Variants in CFAP46 observed in about 807,000 individuals in gnomAD.
CFAP46 encodes the protein cilia- and flagella-associated protein 46.
Under a neutral mutation model 325.7 loss-of-function variants are expected in CFAP46, and 245 were observed. The observed-to-expected ratio is 0.75, with a 90% CI of 0.68 to 0.84. The LOEUF is 0.84. Ranked by LOEUF, CFAP46 falls within the 40% of genes least tolerant of loss-of-function variation. The pLI, the probability that CFAP46 is intolerant of heterozygous loss-of-function variation, is 0.00. For missense variants in CFAP46, 3,346 were observed against 3,543.0 expected, an observed-to-expected ratio of 0.94 and a Z score of 1.41; for synonymous variants, 1,523 against 1,495.9, an observed-to-expected ratio of 1.02 and a Z score of -0.42.
intron 25 of CFAP46, among the ~76,000 whole-genome samples, chr10:132,887,812 C>T (rs1849181366): frequency 1.0e-5 from 1 of 95,988 alleles, no homozygotes. Flanking sequence ...CTCTCCTCTC[C>T]CCTCTTCTCT....
At chr10:132,859,332 G>A (rs150043324) in intron 37 of CFAP46, 85 bp from the exon 38 acceptor site, 3 of 1,241,164 alleles carry the variant, frequency 2.4e-6, no homozygotes, top group Admixed American at 2.7e-5. Context: ...TGTTCTCCCC[G>A]GTGTTCATCC....
intron 39 of CFAP46, among the ~76,000 whole-genome samples, chr10:132,854,795 C>G (rs894843092): frequency 1.3e-5 from 2 of 152,124 alleles, no homozygotes; most frequent in African/African-American, 4.8e-5. Context: ...ACCCCTCGCC[C>G]ATTAAAAAAT....
At chr10:132,927,334 C>T (rs928252316) in intron 9 of CFAP46, among the ~76,000 whole-genome samples, 2 of 152,072 alleles carry the variant, frequency 1.3e-5, no homozygotes, top group African/African-American at 4.8e-5. Flanking sequence ...CAGACGCCTC[C>T]GTCCCGGGGA....
chr10:132,864,049 TG>T, intron 35 of CFAP46, among the ~76,000 whole-genome samples: 1 of 144,398 alleles, frequency 6.9e-6, no homozygotes, highest in East Asian at 2.2e-4. Context: ...TGCACACACC[TG>T]TCCCCCTGCC....
chr10:132,850,160 G>A, intron 41 of CFAP46, 84 bp downstream of exon 41: 2 of 1,321,372 alleles, frequency 1.5e-6, no homozygotes, highest in Non-Finnish European at 2.1e-6. Context: ...GCAATCACAG[G>A]AGTCCTAAAC....
In CFAP46 at chr10:132,814,826, T is replaced by C. The variant is rs768574120; in HGVS notation, c.7188+18A>G. 41 of 1,613,984 alleles carry C rather than the reference T, an allele frequency of 2.5e-5. 1 individual carries two copies. In the South Asian group the frequency reaches 4.2e-4, roughly 16 times the overall value. ...CTGTGCCCACCAGCCCGATCCCCTA[T>C]CACAGGCCCCCACCCACCTTCCTGC... On this transcript the variant is annotated intron_variant, in intron 51 of 57. Coordinates refer to ENST00000368586, the MANE Select transcript of CFAP46 (RefSeq NM_001200049.3).
chr10:132,885,898 G>T lies in CFAP46; in HGVS notation c.3366C>A (p.Ala1122=). The change falls in exon 26 of 58, where the codon GCC becomes GCA. Residue 1122 remains alanine, a synonymous_variant. Transcript: ENST00000368586. ...ALYGLLFHSH[A]DQDDWEGGLK... ...GGCCGCCCTCCCAGTCGTCCTGGTC[G>T]GCATGGCTGTGGAAGAGCAGGCCGT... 1 of 1,550,200 alleles carries T rather than the reference G, an allele frequency of 6.5e-7. No individual in the cohort carries two copies. The highest frequency in any genetic ancestry group is 8.7e-7 in the Non-Finnish European group (1 of 1,146,848).
intron 27 of CFAP46, 42 bp from the exon 28 acceptor site, chr10:132,881,074 C>T: frequency 6.6e-7 from 1 of 1,523,968 alleles, no homozygotes; most frequent in Non-Finnish European, 8.9e-7. Context: ...CAGGATGGCC[C>T]TGAAGGCGTT....
intron 35 of CFAP46, among the ~76,000 whole-genome samples, chr10:132,863,809 AC>A: frequency 7.6e-6 from 1 of 132,130 alleles, no homozygotes; most frequent in African/African-American, 3.0e-5. Flanking sequence ...TGAGACCTGC[AC>A]GCACCTGTCC....
chr10:132,835,418 C>T lies in CFAP46; in HGVS notation c.6630G>A (p.Met2210Ile). Residue 2210 changes from methionine (M) to isoleucine (I), a missense_variant, in exon 47 of 58, where the codon ATG becomes ATA. Transcript: ENST00000368586. ...AGGCAGTGGGACTTATGGCCAGACG[C>T]ATCACCTTGCAGGAGCCTGTGGGGA... ...VQAVGGSCKV[M>I]RLAISPTAFS... The T allele has an allele frequency of 1.9e-6, 3 of 1,613,482 alleles. No homozygotes were observed. The highest frequency in any genetic ancestry group is 2.2e-5 in the South Asian group (2 of 91,080).
intron 35 of CFAP46, among the ~76,000 whole-genome samples, chr10:132,862,651 AC>A (rs1312425534): frequency 6.6e-6 from 1 of 151,224 alleles, no homozygotes; most frequent in African/African-American, 2.4e-5. Context: ...GGGAGGTCAG[AC>A]CCCCGAGAGA....
rs948372007 is a variant in CFAP46 at position 132,897,086 on chromosome 10, T to A, written c.3219+1873A>T. On this transcript the variant is annotated intron_variant, in intron 24 of 57. Coordinates refer to ENST00000368586, the MANE Select transcript of CFAP46 (RefSeq NM_001200049.3). Reference sequence around the variant, plus strand: ...AAAAGGCTGATGTTGAACCTTTACCTAATACCATATGCAAAACTTAACTCA... The same window carrying A: ...AAAAGGCTGATGTTGAACCTTTACCAAATACCATATGCAAAACTTAACTCA... Among the ~76,000 whole-genome samples the A allele has an allele frequency of 2.6e-5, 4 of 152,236 alleles. 1 individual carries two copies. The highest frequency in any genetic ancestry group is 2.0e-4 in the Admixed American group (3 of 15,290).
In CFAP46 at chr10:132,832,479, C is replaced by G. The variant is rs1278116070; in HGVS notation, c.7117+879G>C. The G allele has an allele frequency of 5.2e-6, 1 of 192,420 alleles. No homozygotes were observed. Among genetic ancestry groups the G allele is most frequent in the Non-Finnish European group, 1.1e-5 (1 of 91,466 alleles). 11.9% of individuals were successfully genotyped at this position (192,420 alleles called of 1,614,324 possible). ...CTCGCCAGCCAAACCCCCTTCGAGG[C>G]CCCCCGTCCTGCGCGGACTGCTCGT... On this transcript the variant is annotated intron_variant, in intron 50 of 57. Transcript: ENST00000368586. The surrounding 1 kb of genome is among the most constrained non-coding windows in gnomAD (Gnocchi z 4.1).
chr10:132,912,806 A>G lies in CFAP46; in HGVS notation c.2348T>C (p.Leu783Pro). The G allele has an allele frequency of 6.5e-7, 1 of 1,549,138 alleles. No individual in the cohort carries two copies. The highest frequency in any genetic ancestry group is 8.7e-7 in the Non-Finnish European group (1 of 1,146,606). ...ATGHSGDPVMLVTLCNTLARG... is the reference protein window; with the variant it reads ...ATGHSGDPVMPVTLCNTLARG... ...CGCCAAGGTGTTGCAGAGCGTCACCAGCATCACGGGGTCCCTGGGAGACAT... is the reference window on the plus strand; with the variant it reads ...CGCCAAGGTGTTGCAGAGCGTCACCGGCATCACGGGGTCCCTGGGAGACAT... The change falls in exon 19 of 58, where the codon CTG (leucine) becomes CCG (proline). Residue 783 changes from leucine to proline, a missense_variant. Leu to Pro is a moderately conservative substitution (Grantham distance 98). Transcript: ENST00000368586.
intron 10 of CFAP46, among the ~76,000 whole-genome samples, chr10:132,925,326 C>T (rs755657524): frequency 3.3e-5 from 5 of 152,262 alleles, no homozygotes; most frequent in East Asian, 1.9e-4. Flanking sequence ...CCTGCTGGAC[C>T]GCCCACCGTC....
At chr10:132,835,222 C>T in intron 47 of CFAP46, 82 bp downstream of exon 47, 1 of 1,559,386 alleles carries the variant, frequency 6.4e-7, no homozygotes, top group Non-Finnish European at 8.7e-7. Context: ...CCGCCCCTCC[C>T]CCCACCTCGC....
chr10:132,927,511 C>T (rs575101751), intron 9 of CFAP46, among the ~76,000 whole-genome samples: 96 of 152,354 alleles, frequency 6.3e-4, no homozygotes, highest in Non-Finnish European at 1.2e-3. Context: ...GGCCTCGGTG[C>T]CGGCCAGGAT....
chr10:132,926,342 A>ACGACC (rs539579700), intron 10 of CFAP46, among the ~76,000 whole-genome samples: 102 of 152,274 alleles, frequency 6.7e-4, no homozygotes, highest in African/African-American at 2.4e-3. Context: ...CCCCACCTGC[A>ACGACC]CGACCCCACC....
In CFAP46 at chr10:132,866,690, G is replaced by A. The variant is rs7915037; in HGVS notation, c.4744-519C>T. Among the ~76,000 whole-genome samples, 283 of 152,266 alleles carry A rather than the reference G, an allele frequency of 1.9e-3. 4 individuals are homozygous for A. In the East Asian group the frequency reaches 0.039, roughly 21 times the overall value. ...CGGCCTGGGGCGGTGGCTGAGCCCC[G>A]CACTGCTGTGTTCTGGATCCAGGTC... On this transcript the variant is annotated intron_variant, in intron 34 of 57. Coordinates refer to ENST00000368586, the MANE Select transcript of CFAP46 (RefSeq NM_001200049.3).
Sources: allele counts gnomAD v4.1 joint callset (sites outside exome capture counted in the v4.1 genomes callset), GRCh38; gene constraint gnomAD v4.1.1; non-coding constraint Gnocchi (gnomAD v3.1); transcripts MANE v1.5; gene names NCBI Gene and HGNC (gene_info 2026-07-23, HGNC 2026-07-21).